SPMIP4: variants seen among roughly 807,000 people sequenced by gnomAD.
The protein encoded by SPMIP4 is sperm-associated microtubule inner protein 4.
the SPMIP4 span, among the ~76,000 whole-genome samples, chr7:25,152,998 C>T: frequency 6.6e-6 from 1 of 151,976 alleles, no homozygotes; most frequent in East Asian, 1.9e-4. Context: ...CCCACTTTGG[C>T]CTCCCAAAGT....
At chr7:25,129,908 C>T in the SPMIP4 span, among the ~76,000 whole-genome samples, 1 of 151,980 alleles carries the variant, frequency 6.6e-6, no homozygotes. Context: ...ATTTTCAAAT[C>T]TGCCTCCCTA....
the SPMIP4 span, chr7:25,135,181 G>A: frequency 2.2e-6 from 1 of 449,448 alleles, no homozygotes; most frequent in African/African-American, 2.1e-5. Context: ...GAAGATTTGG[G>A]GCTCTGTAAT....
the SPMIP4 span, among the ~76,000 whole-genome samples, chr7:25,148,067 TC>T: frequency 1.3e-5 from 2 of 152,184 alleles, no homozygotes; most frequent in Non-Finnish European, 2.9e-5. Context: ...GTGTCCCTTC[TC>T]CTTCCCTGGG....
the SPMIP4 span, among the ~76,000 whole-genome samples, chr7:25,133,333 TAGAATTAG>T: frequency 6.6e-6 from 1 of 152,212 alleles, no homozygotes; most frequent in Non-Finnish European, 1.5e-5. Flanking sequence ...TGAAAGCACT[TAGAATTAG>T]CACAGTTTTG....
chr7:25,153,108 C>T, the SPMIP4 span, among the ~76,000 whole-genome samples: 4 of 152,094 alleles, frequency 2.6e-5, no homozygotes, highest in Non-Finnish European at 5.9e-5. Context: ...TAATGCTGTA[C>T]TAGTTCCTGG....
the SPMIP4 span, among the ~76,000 whole-genome samples, chr7:25,157,128 G>C: frequency 2.6e-5 from 4 of 152,222 alleles, no homozygotes; most frequent in East Asian, 7.7e-4. Context: ...CGAACTCAAA[G>C]AGCTCCTCAT....
At chr7:25,167,269 C>T in the SPMIP4 span, among the ~76,000 whole-genome samples, 3 of 152,322 alleles carry the variant, frequency 2.0e-5, no homozygotes, top group Admixed American at 2.0e-4. Context: ...GGAGTCAATA[C>T]ATCTGGATTC....
chr7:25,171,799 A>C, the SPMIP4 span, among the ~76,000 whole-genome samples: 1 of 152,186 alleles, frequency 6.6e-6, no homozygotes, highest in Non-Finnish European at 1.5e-5. Context: ...TCTACACAAG[A>C]AGCTGGGACC....
At chr7:25,157,332 A>G in the SPMIP4 span, among the ~76,000 whole-genome samples, 6 of 152,254 alleles carry the variant, frequency 3.9e-5, no homozygotes, top group Non-Finnish European at 7.3e-5. Context: ...AAGGTGGAGT[A>G]TAAATCCAGA....
the SPMIP4 span, among the ~76,000 whole-genome samples, chr7:25,171,444 C>G: frequency 6.6e-6 from 1 of 152,162 alleles, no homozygotes; most frequent in Non-Finnish European, 1.5e-5. Context: ...CACAGCCTTA[C>G]AAAAACACCT....
chr7:25,131,495 C>T, the SPMIP4 span, among the ~76,000 whole-genome samples: 1 of 152,148 alleles, frequency 6.6e-6, no homozygotes, highest in Non-Finnish European at 1.5e-5. The surrounding 1 kb of genome is among the most constrained non-coding windows in gnomAD (Gnocchi z 4.2). Flanking sequence ...GCTGGAAGAC[C>T]TGAGAAGGTA....
the SPMIP4 span, among the ~76,000 whole-genome samples, chr7:25,140,761 TA>T: frequency 7.3e-5 from 11 of 150,336 alleles, no homozygotes; most frequent in Admixed American, 2.0e-4. Flanking sequence ...CTAATTTTTG[TA>T]TTTTTAGTAG....
At chr7:25,140,704 C>G in the SPMIP4 span, among the ~76,000 whole-genome samples, 39,930 of 151,496 alleles carry the variant, frequency 0.26, 6,289 homozygotes, top group African/African-American at 0.45. Flanking sequence ...TCTCCTGCCT[C>G]AGCCTCCAGA....
the SPMIP4 span, among the ~76,000 whole-genome samples, chr7:25,139,816 AC>A: frequency 1.3e-5 from 2 of 152,352 alleles, no homozygotes; most frequent in East Asian, 1.9e-4. Flanking sequence ...TTACACTACT[AC>A]AATAAAATAT....
the SPMIP4 span, among the ~76,000 whole-genome samples, chr7:25,133,250 G>GTGTA: frequency 1.7e-4 from 26 of 152,268 alleles, no homozygotes; most frequent in East Asian, 4.8e-3. Flanking sequence ...TGTGTATATA[G>GTGTA]TGTATATAAT....
chr7:25,126,622 T>C, the SPMIP4 span, among the ~76,000 whole-genome samples: 2 of 152,366 alleles, frequency 1.3e-5, no homozygotes, highest in African/African-American at 2.4e-5. Flanking sequence ...TTTCTATTTA[T>C]ATATTATTAT....
At chr7:25,140,611 G>GA in the SPMIP4 span, among the ~76,000 whole-genome samples, 1 of 148,022 alleles carries the variant, frequency 6.8e-6, no homozygotes, top group South Asian at 2.2e-4. Flanking sequence ...CCTCAGCTCA[G>GA]TTTTTTTGTT....
chr7:25,142,449 G>A, the SPMIP4 span: 3 of 900,218 alleles, frequency 3.3e-6, no homozygotes, highest in South Asian at 5.5e-5. Flanking sequence ...CCAATAAAAT[G>A]AAAACCAACC....
At chr7:25,131,023 G>T in the SPMIP4 span, among the ~76,000 whole-genome samples, 2 of 152,172 alleles carry the variant, frequency 1.3e-5, no homozygotes, top group Admixed American at 1.3e-4. The surrounding 1 kb of genome is among the most constrained non-coding windows in gnomAD (Gnocchi z 4.2). Flanking sequence ...GTGAGTGGGG[G>T]GTGAGCAAAT....
Sources: allele counts gnomAD v4.1 joint callset (sites outside exome capture counted in the v4.1 genomes callset), GRCh38; gene constraint gnomAD v4.1.1; non-coding constraint Gnocchi (gnomAD v3.1); transcripts MANE v1.5; gene names NCBI Gene and HGNC (gene_info 2026-07-23, HGNC 2026-07-21).